Variants in EFR3A observed in about 807,000 individuals in gnomAD.
EFR3A encodes protein EFR3 homolog A.
In EFR3A, 76 loss-of-function variants were observed where a neutral mutation model predicts 104.4. The ratio of observed to expected loss-of-function variants is 0.73; its 90% CI spans 0.60 to 0.88. EFR3A has a LOEUF of 0.88. Ranked by LOEUF, EFR3A falls within the 40% of genes least tolerant of loss-of-function variation. EFR3A has a pLI of 0.00. For synonymous variants in EFR3A, 330 were observed against 330.0 expected (o/e 1.00, Z 0.00); for missense variants, 985 against 1,012.5 (o/e 0.97, Z 0.37).
At position 131,984,948 on chromosome 8, in the gene EFR3A, A is replaced by T; in HGVS notation, c.1757A>T (p.Glu586Val). The T allele has an allele frequency of 6.2e-7, 1 of 1,613,404 alleles. No homozygotes were observed. The highest frequency in any genetic ancestry group is 8.5e-7 in the Non-Finnish European group (1 of 1,179,534). ...IALQDSAIIN[E>V]DNLPMFHRCG... ...TTAAAGGACAGTGCAATTATCAATG[A>T]GGATAATTTGCCAATGTTCCATCGT... is the stretch of plus-strand genomic sequence containing the variant. The change falls in exon 16 of 23, where the codon GAG becomes GTG. Residue 586 changes from glutamate (E) to valine (V), a missense_variant. Glu to Val is a moderately radical substitution (Grantham distance 121). Coordinates refer to ENST00000254624, the MANE Select transcript of EFR3A (RefSeq NM_015137.6).
Position 131,996,387 on chromosome 8 carries a change from G to A in EFR3A, c.2066-19G>A. 1 of 1,487,428 alleles carries A rather than the reference G, an allele frequency of 6.7e-7. No homozygotes were observed. The highest frequency in any genetic ancestry group is 9.2e-7 in the Non-Finnish European group (1 of 1,091,420). 92.1% of individuals were successfully genotyped at this position (1,487,428 alleles called of 1,614,324 possible). A position where few individuals can be genotyped will look rare whatever the true frequency, so the allele number is the denominator to read the frequency against. The stretch of plus-strand genomic sequence containing the variant: ...TAACATTTCTAGCAAATAATGGGAA[G>A]AAAACAATTTTATTTTAGATGAAGA... On this transcript the variant is annotated intron_variant, in intron 18 of 22. Coordinates refer to ENST00000254624, the MANE Select transcript of EFR3A (RefSeq NM_015137.6).
At chr8:131,976,974 T>C in intron 11 of EFR3A, 67 bp from the exon 12 acceptor site, 1 of 1,082,598 alleles carries the variant, frequency 9.2e-7, no homozygotes, top group Non-Finnish European at 1.3e-6. Flanking sequence ...TTAAAATCAG[T>C]AATTGAAGTA....
chr8:131,978,774 A>G (rs1354522299), intron 12 of EFR3A, 73 bp from the exon 13 acceptor site: 1 of 1,173,834 alleles, frequency 8.5e-7, no homozygotes, highest in East Asian at 2.8e-5. Context: ...TATGGTTCTT[A>G]TAAAAGAATA....
intron 1 of EFR3A, among the ~76,000 whole-genome samples, chr8:131,939,158 TAAG>T (rs1818045441): frequency 6.6e-6 from 1 of 152,160 alleles, no homozygotes; most frequent in South Asian, 2.1e-4. Flanking sequence ...GCTTGCTTAA[TAAG>T]AGCTTTATAT....
At chr8:131,937,792 T>TC (rs1020090271) in intron 1 of EFR3A, among the ~76,000 whole-genome samples, 3 of 151,440 alleles carry the variant, frequency 2.0e-5, no homozygotes, top group African/African-American at 4.9e-5. Flanking sequence ...TTTTTTTTTT[T>TC]TTTCTTTCTT....
At chr8:131,936,531 T>A (rs1202597516) in intron 1 of EFR3A, among the ~76,000 whole-genome samples, 2 of 151,118 alleles carry the variant, frequency 1.3e-5, no homozygotes, top group Non-Finnish European at 3.0e-5. Context: ...ACACACATGC[T>A]CTCTCTGTCT....
chr8:131,945,568 C>G (rs1818396700), intron 3 of EFR3A, among the ~76,000 whole-genome samples: 1 of 152,010 alleles, frequency 6.6e-6, no homozygotes, highest in East Asian at 1.9e-4. Context: ...TAAGTGATGG[C>G]ACACATAGCT....
At chr8:131,996,850 A>G (rs1247243603) in intron 19 of EFR3A, among the ~76,000 whole-genome samples, 1 of 152,126 alleles carries the variant, frequency 6.6e-6, no homozygotes, top group Non-Finnish European at 1.5e-5. Flanking sequence ...GGTCCTACTT[A>G]TTTTTAAAAA....
chr8:131,999,141 G>T (rs900023257), intron 19 of EFR3A, among the ~76,000 whole-genome samples: 4 of 152,016 alleles, frequency 2.6e-5, no homozygotes, highest in Non-Finnish European at 5.9e-5. Flanking sequence ...GCATGGGCAG[G>T]ATGTTATATA....
chr8:131,911,219 C>T (rs1276196758), intron 1 of EFR3A, among the ~76,000 whole-genome samples: 2 of 152,088 alleles, frequency 1.3e-5, no homozygotes, highest in Non-Finnish European at 2.9e-5. Flanking sequence ...ATATCATTTG[C>T]CAAATATATG....
At chr8:131,927,626 C>T (rs1049616959) in intron 1 of EFR3A, among the ~76,000 whole-genome samples, 1 of 152,078 alleles carries the variant, frequency 6.6e-6, no homozygotes, top group African/African-American at 2.4e-5. Context: ...TACATATACT[C>T]ATATACAAAA....
chr8:131,945,905 A>G (rs28568684), intron 3 of EFR3A, among the ~76,000 whole-genome samples: 37,190 of 151,980 alleles, frequency 0.24, 5,212 homozygotes, highest in East Asian at 0.49. Context: ...GTAAGTTTGT[A>G]TTCATTAACC....
intron 8 of EFR3A, among the ~76,000 whole-genome samples, chr8:131,962,935 A>G (rs374070719): frequency 9.8e-5 from 15 of 152,358 alleles, no homozygotes; most frequent in East Asian, 3.9e-4. Flanking sequence ...CCACTCAACT[A>G]CATGGAAACT....
At chr8:132,000,658 G>A (rs996086791) in intron 19 of EFR3A, 4 of 152,142 alleles carry the variant, frequency 2.6e-5, no homozygotes, top group African/African-American at 9.7e-5. Context: ...CTCCTAGCCA[G>A]TTCTAAGAAC....
intron 18 of EFR3A, among the ~76,000 whole-genome samples, chr8:131,988,639 A>G (rs1292074673): frequency 6.6e-6 from 1 of 152,072 alleles, no homozygotes; most frequent in Non-Finnish European, 1.5e-5. Flanking sequence ...TTTATAATTT[A>G]AAATATTAAA....
rs73349390 is a variant in EFR3A at position 131,999,086 on chromosome 8, A to G, written c.2157+2589A>G. 5.8e-3 allele frequency among the ~76,000 whole-genome samples: 886 copies of G among 151,896 alleles called. 9 individuals are homozygous for G. Among genetic ancestry groups the G allele is most frequent in the African/African-American group, 0.02 (841 of 41,448 alleles). On this transcript the variant is annotated intron_variant, in intron 19 of 22. Transcript: ENST00000254624. ...GAGTAAAACCTGAAATCACCACACT[A>G]CTCTTCTCTCTAAAAGCTTATAGTA...
At chr8:131,907,923 G>A (rs1816331526) in intron 1 of EFR3A, among the ~76,000 whole-genome samples, 1 of 151,588 alleles carries the variant, frequency 6.6e-6, no homozygotes, top group South Asian at 2.1e-4. Context: ...AGTGACCTTT[G>A]GCTTGACACT....
At chr8:131,994,741 G>A (rs578094254) in intron 18 of EFR3A, among the ~76,000 whole-genome samples, 4 of 152,224 alleles carry the variant, frequency 2.6e-5, no homozygotes, top group South Asian at 4.2e-4. Flanking sequence ...TTAGAGATGC[G>A]GAATTGGATT....
intron 1 of EFR3A, among the ~76,000 whole-genome samples, chr8:131,934,153 T>A (rs1005357910): frequency 9.9e-5 from 15 of 152,210 alleles, no homozygotes; most frequent in South Asian, 2.1e-4. Context: ...TTTGACCCCA[T>A]ATCTAATTAG....
Sources: allele counts gnomAD v4.1 joint callset (sites outside exome capture counted in the v4.1 genomes callset), GRCh38; gene constraint gnomAD v4.1.1; transcripts MANE v1.5; gene names NCBI Gene and HGNC (gene_info 2026-07-23, HGNC 2026-07-21).